PDE4D: variants seen among roughly 807,000 people sequenced by gnomAD.
PDE4D encodes phosphodiesterase 4D.
A neutral mutation model predicts 87.4 loss-of-function variants in PDE4D; 24 were observed. The observed-to-expected ratio is 0.27, with a 90% confidence interval of 0.20 to 0.39. The LOEUF (loss-of-function observed/expected upper bound fraction) is 0.39, where lower values mean the gene tolerates loss of function less well. PDE4D is among the 10% of genes least tolerant of loss of function. The pLI, the probability that PDE4D is intolerant of heterozygous loss-of-function variation, is 1.00. For missense variants in PDE4D, 714 were observed against 1,041.0 expected, an observed-to-expected ratio of 0.69 and a Z score of 4.32; for synonymous variants, 384 against 383.2, an observed-to-expected ratio of 1.00 and a Z score of -0.02.
chr5:60,342,617 C>A (rs748415211), intron 1 of PDE4D, among the ~76,000 whole-genome samples: 8 of 151,686 alleles, frequency 5.3e-5, no homozygotes, highest in Admixed American at 2.0e-4. Context: ...AATACAGAAC[C>A]AGAGAAAACA....
chr5:60,028,574 G>T (rs529766661), intron 2 of PDE4D, among the ~76,000 whole-genome samples: 13 of 152,138 alleles, frequency 8.5e-5, no homozygotes, highest in African/African-American at 3.1e-4. Flanking sequence ...CATGGTTGCC[G>T]CTGACTGAAG....
chr5:59,511,486 C>CTA (rs1167430511), intron 1 of PDE4D, among the ~76,000 whole-genome samples: 1 of 151,886 alleles, frequency 6.6e-6, no homozygotes, highest in Non-Finnish European at 1.5e-5. Context: ...AAGTCTTTTT[C>CTA]TATATATAAT....
At chr5:59,733,027 T>C (rs11954036) in intron 1 of PDE4D, among the ~76,000 whole-genome samples, 45,946 of 152,034 alleles carry the variant, frequency 0.3, 7,179 homozygotes, top group Middle Eastern at 0.5. Flanking sequence ...AGCTAGAAAT[T>C]GCACAATGGA....
At chr5:59,647,011 G>T (rs540767164) in intron 1 of PDE4D, among the ~76,000 whole-genome samples, 117 of 152,158 alleles carry the variant, frequency 7.7e-4, no homozygotes, top group African/African-American at 2.8e-3. Context: ...CTCCAGCCTG[G>T]GTGACAGAGA....
At chr5:60,086,669 A>C (rs2152907412) in intron 2 of PDE4D, among the ~76,000 whole-genome samples, 1 of 152,374 alleles carries the variant, frequency 6.6e-6, no homozygotes, top group Middle Eastern at 3.4e-3. Flanking sequence ...TGCTGCCTAA[A>C]TGCAAACACA....
intron 1 of PDE4D, among the ~76,000 whole-genome samples, chr5:60,336,527 G>A (rs1757764251): frequency 6.6e-6 from 1 of 152,180 alleles, no homozygotes; most frequent in South Asian, 2.1e-4. Context: ...ACACAATTTG[G>A]CTGCAAGCTG....
At chr5:60,203,128 C>T (rs773635506) in intron 1 of PDE4D, among the ~76,000 whole-genome samples, 12 of 152,224 alleles carry the variant, frequency 7.9e-5, no homozygotes, top group Middle Eastern at 3.4e-3. Context: ...CCCACCACTA[C>T]GCTCGACTAA....
chr5:59,829,928 T>C (rs148753539), intron 1 of PDE4D, among the ~76,000 whole-genome samples: 6 of 152,150 alleles, frequency 3.9e-5, no homozygotes, highest in Admixed American at 2.0e-4. Flanking sequence ...GTTTTTGTTT[T>C]TAATTTTAAA....
intron 1 of PDE4D, among the ~76,000 whole-genome samples, chr5:59,496,673 C>A (rs1444464551): frequency 1.3e-5 from 2 of 152,112 alleles, no homozygotes; most frequent in Non-Finnish European, 2.9e-5. Flanking sequence ...AAGGTTGGGT[C>A]AAAGGAAACA....
intron 1 of PDE4D, among the ~76,000 whole-genome samples, chr5:59,758,554 A>G (rs2150764004): frequency 6.6e-6 from 1 of 152,306 alleles, no homozygotes; most frequent in Non-Finnish European, 1.5e-5. Context: ...GAAGAGACTG[A>G]TGTGTTAAGA....
chr5:59,104,360 G>A (rs1282363809), intron 5 of PDE4D, among the ~76,000 whole-genome samples: 1 of 152,126 alleles, frequency 6.6e-6, no homozygotes, highest in Admixed American at 6.5e-5. Context: ...CACACAGTAA[G>A]CGTTGGATAA....
chr5:60,267,082 G>A (rs962790772), intron 1 of PDE4D, among the ~76,000 whole-genome samples: 7 of 152,218 alleles, frequency 4.6e-5, no homozygotes, highest in African/African-American at 9.6e-5. Flanking sequence ...GAAGCGCTAT[G>A]CAAAAAGTTA....
intron 2 of PDE4D, among the ~76,000 whole-genome samples, chr5:59,989,495 C>T (rs1305147188): frequency 6.6e-6 from 1 of 151,976 alleles, no homozygotes; most frequent in Non-Finnish European, 1.5e-5. Flanking sequence ...ATATTTGAAA[C>T]ATATGTTTTC....
intron 2 of PDE4D, among the ~76,000 whole-genome samples, chr5:60,044,767 A>T (rs373258858): frequency 1.1e-4 from 16 of 152,274 alleles, no homozygotes; most frequent in East Asian, 5.8e-4. Flanking sequence ...TCTATCATTG[A>T]TGGACATTTG....
At chr5:59,805,691 C>T (rs1767655529) in intron 1 of PDE4D, among the ~76,000 whole-genome samples, 1 of 152,174 alleles carries the variant, frequency 6.6e-6, no homozygotes, top group Non-Finnish European at 1.5e-5. Flanking sequence ...TGAACAAAGG[C>T]AAGTGGATAG....
intron 1 of PDE4D, among the ~76,000 whole-genome samples, chr5:59,703,986 G>C (rs2150470198): frequency 6.6e-6 from 1 of 152,190 alleles, no homozygotes; most frequent in Non-Finnish European, 1.5e-5. Context: ...AAGTGAGAAA[G>C]TGAGACAGAG....
chr5:59,489,479 A>G (rs16889907), intron 1 of PDE4D, among the ~76,000 whole-genome samples: 39,678 of 152,092 alleles, frequency 0.26, 6,410 homozygotes, highest in African/African-American at 0.46. Context: ...TTTGTCTTTT[A>G]GACCTCCATA....
At chr5:59,214,536 C>A (rs933584614) in intron 2 of PDE4D, among the ~76,000 whole-genome samples, 2 of 152,154 alleles carry the variant, frequency 1.3e-5, no homozygotes, top group Admixed American at 1.3e-4. Context: ...TTGTGCTCAC[C>A]ATATTTTATT....
At chr5:60,056,379 T>G (rs1385715122) in intron 2 of PDE4D, among the ~76,000 whole-genome samples, 1 of 151,984 alleles carries the variant, frequency 6.6e-6, no homozygotes, top group Non-Finnish European at 1.5e-5. Context: ...ATGTGAATGA[T>G]GAAGGAAGAC....
Sources: gnomAD v4.1 joint callset for allele counts (sites outside exome capture counted in the v4.1 genomes callset) on GRCh38, gnomAD v4.1.1 for gene constraint, MANE v1.5 for transcripts, NCBI Gene and HGNC (gene_info 2026-07-23, HGNC 2026-07-21) for gene names.